Variants in CDH20 observed in about 807,000 individuals in gnomAD.
CDH20 encodes the protein cadherin 20.
CDH20 carries 29 observed loss-of-function variants against 74.2 expected under a neutral mutation model. That is an observed-to-expected ratio of 0.39 (90% CI 0.29 to 0.53). CDH20 has a LOEUF of 0.53. Ranked by LOEUF, CDH20 falls within the 20% of genes least tolerant of loss-of-function variation. The pLI, the probability that CDH20 is intolerant of heterozygous loss-of-function variation, is 0.69. For missense variants in CDH20, 988 were observed against 1,048.3 expected (o/e 0.94, Z 0.79); for synonymous variants, 469 against 405.4 (o/e 1.16, Z -1.88).
intron 1 of CDH20, among the ~76,000 whole-genome samples, chr18:61,345,722 C>A (rs1483860056): frequency 1.3e-5 from 2 of 152,102 alleles, no homozygotes; most frequent in Non-Finnish European, 2.9e-5. Flanking sequence ...TGTTCTGAAT[C>A]AAGAACCCAG....
At chr18:61,472,446 C>G (rs1910215748) in intron 1 of CDH20, among the ~76,000 whole-genome samples, 1 of 152,172 alleles carries the variant, frequency 6.6e-6, no homozygotes. Flanking sequence ...AAAAGGAGGG[C>G]CACTTTAAGT....
chr18:61,492,922 T>G (rs1203200182), intron 2 of CDH20, among the ~76,000 whole-genome samples: 1 of 152,228 alleles, frequency 6.6e-6, no homozygotes, highest in Non-Finnish European at 1.5e-5. Context: ...AATGAATGTC[T>G]CACTGTGGAG....
intron 6 of CDH20, among the ~76,000 whole-genome samples, chr18:61,508,219 T>A (rs538953629): frequency 6.6e-6 from 1 of 152,348 alleles, no homozygotes; most frequent in South Asian, 2.1e-4. Context: ...ATGAAATACA[T>A]TAATTTTAAA....
chr18:61,349,063 G>A (rs922344374), intron 1 of CDH20, among the ~76,000 whole-genome samples: 3 of 152,148 alleles, frequency 2.0e-5, no homozygotes, highest in Non-Finnish European at 4.4e-5. Flanking sequence ...GTTGAAATGT[G>A]TATTCTTTTT....
intron 1 of CDH20, among the ~76,000 whole-genome samples, chr18:61,339,656 A>G (rs1394276886): frequency 4.0e-5 from 6 of 150,888 alleles, no homozygotes; most frequent in African/African-American, 1.5e-4. Context: ...ATTCCATGCA[A>G]TGGATACATC....
intron 1 of CDH20, among the ~76,000 whole-genome samples, chr18:61,417,735 T>C (rs1354280413): frequency 6.6e-6 from 1 of 152,130 alleles, no homozygotes; most frequent in East Asian, 1.9e-4. Context: ...TAAGATCTAC[T>C]GTTTGGTAGC....
chr18:61,357,674 T>C (rs1463229143), intron 1 of CDH20, among the ~76,000 whole-genome samples: 6 of 152,138 alleles, frequency 3.9e-5, no homozygotes, highest in African/African-American at 1.4e-4. Context: ...GAATAACCAA[T>C]AGTCTTCATC....
At chr18:61,534,426 C>G (rs1417188731) in intron 7 of CDH20, among the ~76,000 whole-genome samples, 5 of 152,212 alleles carry the variant, frequency 3.3e-5, no homozygotes, top group African/African-American at 9.6e-5. Context: ...AATGTCTCTA[C>G]TTTCATATTC....
intron 10 of CDH20, among the ~76,000 whole-genome samples, chr18:61,547,748 G>T (rs180835801): frequency 3.5e-4 from 53 of 150,006 alleles, no homozygotes; most frequent in Middle Eastern, 3.5e-3. Flanking sequence ...ACAGTGTTCT[G>T]TGTCACCTCA....
intron 1 of CDH20, among the ~76,000 whole-genome samples, chr18:61,458,587 G>T (rs1157941498): frequency 6.6e-6 from 1 of 152,154 alleles, no homozygotes; most frequent in African/African-American, 2.4e-5. Context: ...CCTCAGGGTT[G>T]GGGAATCAGG....
At chr18:61,426,302 A>G (rs141438903) in intron 1 of CDH20, among the ~76,000 whole-genome samples, 70 of 152,278 alleles carry the variant, frequency 4.6e-4, no homozygotes, top group African/African-American at 1.7e-3. Context: ...CCCAGTATAC[A>G]ACCAACTCTC....
At chr18:61,445,981 A>G (rs1909186714) in intron 1 of CDH20, among the ~76,000 whole-genome samples, 1 of 152,092 alleles carries the variant, frequency 6.6e-6, no homozygotes, top group Non-Finnish European at 1.5e-5. Context: ...AGATCTCTCC[A>G]TGTACCCTGG....
intron 10 of CDH20, 111 bp downstream of exon 10, chr18:61,545,255 G>C (rs183012335): frequency 1.3e-6 from 1 of 751,978 alleles, no homozygotes; most frequent in Non-Finnish European, 2.4e-6. Context: ...ATACCAGCAG[G>C]GAGGATGTTA....
At chr18:61,493,700 A>G (rs1304004153) in intron 2 of CDH20, among the ~76,000 whole-genome samples, 1 of 152,242 alleles carries the variant, frequency 6.6e-6, no homozygotes, top group African/African-American at 2.4e-5. Context: ...CAATTCTATC[A>G]TGAACATATC....
At chr18:61,388,116 G>A (rs1911662193) in intron 1 of CDH20, among the ~76,000 whole-genome samples, 1 of 152,196 alleles carries the variant, frequency 6.6e-6, no homozygotes, top group Non-Finnish European at 1.5e-5. Flanking sequence ...AGGGGAAGGA[G>A]AAGATTAATT....
chr18:61,384,895 A>G (rs920276197), intron 1 of CDH20, among the ~76,000 whole-genome samples: 1 of 152,186 alleles, frequency 6.6e-6, no homozygotes, highest in African/African-American at 2.4e-5. Flanking sequence ...ATTTCACAAA[A>G]TTCCCACCTT....
intron 1 of CDH20, among the ~76,000 whole-genome samples, chr18:61,423,457 C>G (rs1208512656): frequency 2.0e-5 from 3 of 152,192 alleles, no homozygotes; most frequent in Admixed American, 6.5e-5. Flanking sequence ...TGTGAATAAT[C>G]TCTGCATCAT....
At chr18:61,358,159 G>T (rs565640075) in intron 1 of CDH20, among the ~76,000 whole-genome samples, 2 of 150,272 alleles carry the variant, frequency 1.3e-5, no homozygotes, top group African/African-American at 4.9e-5. Flanking sequence ...GTGACGCCCA[G>T]GCTGGAGTGC....
intron 1 of CDH20, among the ~76,000 whole-genome samples, chr18:61,488,645 T>C (rs1324378268): frequency 2.6e-5 from 4 of 152,308 alleles, no homozygotes; most frequent in Non-Finnish European, 5.9e-5. Context: ...TATAGATACA[T>C]TGTGTCTTAC....
Sources: gnomAD v4.1 joint callset for allele counts (sites outside exome capture counted in the v4.1 genomes callset) on GRCh38, gnomAD v4.1.1 for gene constraint, MANE v1.5 for transcripts, NCBI Gene and HGNC (gene_info 2026-07-23, HGNC 2026-07-21) for gene names.